The following PLB1 variants were observed in gnomAD, a reference collection of about 807,000 sequenced individuals.
The protein encoded by PLB1 is phospholipase B1, also known as phospholipase B1, membrane-associated.
In PLB1, 242 loss-of-function variants were observed where a neutral mutation model predicts 227.4. The ratio of observed to expected loss-of-function variants is 1.06; its 90% CI spans 0.96 to 1.18. PLB1 has a LOEUF of 1.18. Among genes scored for constraint, PLB1 ranks in the 50% most tolerant of loss-of-function variants. The pLI is 0.00. For missense variants in PLB1, 1,858 were observed against 1,816.3 expected (o/e 1.02, Z -0.42); for synonymous variants, 757 against 682.2 (o/e 1.11, Z -1.71).
At position 28,600,744 on chromosome 2, in the gene PLB1, C is replaced by A. The variant is rs940913414; in HGVS notation, c.2475-65C>A. 2.7e-6 allele frequency: 4 copies of A among 1,503,620 alleles called. No homozygotes were observed. The African/African-American group carries it at 5.5e-5, about 21-fold the overall frequency. The allele number at this position is 1,503,620 out of a possible 1,614,324, so 93.1% of individuals were successfully genotyped here. A position where few individuals can be genotyped will look rare whatever the true frequency, so the allele number is the denominator to read the frequency against. ...ATACTGTAGAAGCCTCTGGTTCAGG[C>A]CCTCTAGGAGGAAAACTATGGGCAC... is the stretch of plus-strand genomic sequence containing the variant. On this transcript the variant is annotated intron_variant, in intron 35 of 57. Coordinates refer to ENST00000327757, the MANE Select transcript of PLB1 (RefSeq NM_153021.5).
chr2:28,541,870 C>T (rs906812858), intron 13 of PLB1, 59 bp downstream of exon 13: 16 of 1,376,432 alleles, frequency 1.2e-5, no homozygotes, highest in Admixed American at 1.7e-5. Context: ...TGGTGGCTCA[C>T]TCCTGTAATC....
chr2:28,539,042 C>T (rs1672098597), intron 10 of PLB1, 57 bp from the exon 11 acceptor site: 7 of 1,429,728 alleles, frequency 4.9e-6, no homozygotes, highest in East Asian at 2.3e-5. Flanking sequence ...TTCCAGAAAG[C>T]CCGGCAGCCA....
chr2:28,541,697 C>T lies in PLB1; in HGVS notation c.775-10C>T, dbSNP rs1223417966. On this transcript the variant is annotated splice_polypyrimidine_tract_variant and intron_variant, in intron 12 of 57. Coordinates refer to ENST00000327757, the MANE Select transcript of PLB1 (RefSeq NM_153021.5). ...TTCCTGGATGGGCACCTCTCTGCTC[C>T]CTTCTCCAGGAAGCCTGGAACAGCC... is the stretch of plus-strand genomic sequence containing the variant. 1.2e-6 allele frequency: 2 copies of T among 1,610,536 alleles called. No homozygotes were observed. Among genetic ancestry groups the T allele is most frequent in the East Asian group, 4.5e-5 (2 of 44,848 alleles).
intron 20 of PLB1, among the ~76,000 whole-genome samples, chr2:28,568,679 C>T (rs974721913): frequency 1.3e-5 from 2 of 152,112 alleles, no homozygotes. Flanking sequence ...GCATGTCTTC[C>T]TAAAGACAGA....
At chr2:28,503,798 C>A (rs2148158032) in intron 1 of PLB1, among the ~76,000 whole-genome samples, 1 of 152,250 alleles carries the variant, frequency 6.6e-6, no homozygotes, top group South Asian at 2.1e-4. Flanking sequence ...TGTCCGGTCC[C>A]CAAAGTCATT....
intron 16 of PLB1, among the ~76,000 whole-genome samples, chr2:28,550,908 G>A (rs1054769375): frequency 3.9e-5 from 6 of 152,128 alleles, no homozygotes; most frequent in Non-Finnish European, 7.3e-5. Flanking sequence ...GCTACTAACC[G>A]CTGATGTTCA....
At chr2:28,555,616 A>G (rs1456335246) in intron 17 of PLB1, among the ~76,000 whole-genome samples, 2 of 152,214 alleles carry the variant, frequency 1.3e-5, no homozygotes, top group Non-Finnish European at 2.9e-5. Flanking sequence ...ATAATCTGAT[A>G]TATGTCTTAT....
intron 2 of PLB1, among the ~76,000 whole-genome samples, chr2:28,518,160 G>A (rs1669072937): frequency 6.6e-6 from 1 of 152,098 alleles, no homozygotes; most frequent in African/African-American, 2.4e-5. Flanking sequence ...GGGATTATAG[G>A]CATGAGCCAC....
rs779638120 is a variant in PLB1, at chr2:28,628,561, A to T, written c.3661-2A>T. On this transcript the variant is annotated splice_acceptor_variant, in intron 51 of 57. Transcript: ENST00000327757. LOFTEE classifies it high-confidence loss of function. ...AAAGAGAGTACCCTTTTTTCCTTACAGGAGGCCCACTTGGCCACGGAATAT... is the reference window on the plus strand; with the variant it reads ...AAAGAGAGTACCCTTTTTTCCTTACTGGAGGCCCACTTGGCCACGGAATAT... 1.2e-6 allele frequency: 2 copies of T among 1,613,738 alleles called. No individual in the cohort carries two copies. Among genetic ancestry groups the T allele is most frequent in the South Asian group, 1.1e-5 (1 of 91,076 alleles).
intron 13 of PLB1, among the ~76,000 whole-genome samples, chr2:28,542,796 C>A (rs1053139888): frequency 3.9e-5 from 6 of 152,346 alleles, no homozygotes; most frequent in African/African-American, 1.4e-4. Flanking sequence ...CCTCCAGGCT[C>A]CTGCCTGTTG....
chr2:28,516,304 C>T (rs1463277463), intron 1 of PLB1, among the ~76,000 whole-genome samples: 2 of 152,220 alleles, frequency 1.3e-5, no homozygotes, highest in East Asian at 3.8e-4. Flanking sequence ...TTCAGCAAGA[C>T]CCCTCGATAC....
intron 15 of PLB1, 32 bp from the exon 16 acceptor site, chr2:28,549,978 T>A: frequency 6.3e-7 from 1 of 1,580,032 alleles, no homozygotes. Flanking sequence ...ACTTCTAGGG[T>A]CACGATTCCA....
chr2:28,637,043 C>T (rs1367288642), intron 56 of PLB1, among the ~76,000 whole-genome samples: 1 of 152,106 alleles, frequency 6.6e-6, no homozygotes, highest in Non-Finnish European at 1.5e-5. Flanking sequence ...CCTGTAATCC[C>T]AGCACTTTGG....
intron 17 of PLB1, among the ~76,000 whole-genome samples, chr2:28,562,564 G>C (rs1337629959): frequency 1.9e-5 from 1 of 53,214 alleles, no homozygotes; most frequent in African/African-American, 7.9e-5. Flanking sequence ...AAAAAAGTCA[G>C]TGGCATAAAA....
intron 53 of PLB1, 124 bp downstream of exon 53, chr2:28,629,309 G>A: frequency 2.7e-6 from 2 of 752,578 alleles, no homozygotes; most frequent in Non-Finnish European, 4.2e-6. Context: ...ACATGGCTCA[G>A]GGGCTTGGAC....
intron 32 of PLB1, 134 bp downstream of exon 32, chr2:28,592,853 G>A: frequency 1.3e-6 from 1 of 741,354 alleles, no homozygotes; most frequent in Non-Finnish European, 2.2e-6. Context: ...CAATCCAAGA[G>A]CATGCCAGTT....
chr2:28,559,321 GCC>G (rs376624211), intron 17 of PLB1, among the ~76,000 whole-genome samples: 78 of 152,346 alleles, frequency 5.1e-4, no homozygotes, highest in Middle Eastern at 3.4e-3. Context: ...TGAAGGTGGG[GCC>G]CAGCCATCTG....
intron 4 of PLB1, among the ~76,000 whole-genome samples, chr2:28,524,637 A>G (rs1669978308): frequency 6.6e-6 from 1 of 152,094 alleles, no homozygotes; most frequent in African/African-American, 2.4e-5. Flanking sequence ...AATAAATTCT[A>G]GATTTTGGAG....
chr2:28,514,625 T>C (rs6746203), intron 1 of PLB1, among the ~76,000 whole-genome samples: 10,262 of 152,240 alleles, frequency 0.067, 1,113 homozygotes, highest in African/African-American at 0.23. Flanking sequence ...CAGAGTTGAG[T>C]AGTTTCAATA....
Sources: allele counts gnomAD v4.1 joint callset (sites outside exome capture counted in the v4.1 genomes callset), GRCh38; gene constraint gnomAD v4.1.1; transcripts MANE v1.5; gene names NCBI Gene and HGNC (gene_info 2026-07-23, HGNC 2026-07-21).